The following DYRK1A variants were observed in gnomAD, a reference collection of about 807,000 sequenced individuals.
DYRK1A encodes the protein dual specificity tyrosine-phosphorylation-regulated kinase 1A.
In DYRK1A, 9 loss-of-function variants were observed where a neutral mutation model predicts 79.7. The observed-to-expected ratio is 0.11, with a 90% CI of 0.07 to 0.20. The LOEUF is 0.20. Ranked by LOEUF, DYRK1A falls within the 10% of genes least tolerant of loss-of-function variation. The probability of loss-of-function intolerance (pLI) is 1.00; values close to 1 mark genes in which losing one functional copy is unlikely to be tolerated. For missense variants in DYRK1A, 622 were observed against 956.0 expected (o/e 0.65, Z 4.61); for synonymous variants, 349 against 329.7 (o/e 1.06, Z -0.63).
intron 2 of DYRK1A, among the ~76,000 whole-genome samples, chr21:37,454,440 A>G (rs2051567525): frequency 6.6e-6 from 1 of 152,154 alleles, no homozygotes; most frequent in Non-Finnish European, 1.5e-5. Context: ...ACACATAGAC[A>G]TGGAGCAACC....
chr21:37,444,518 G>T (rs1189888615), intron 2 of DYRK1A, among the ~76,000 whole-genome samples: 1 of 152,138 alleles, frequency 6.6e-6, no homozygotes, highest in Non-Finnish European at 1.5e-5. Flanking sequence ...ATTTGCCTCT[G>T]TCCCCATGGA....
intron 9 of DYRK1A, among the ~76,000 whole-genome samples, chr21:37,497,626 G>A (rs57740674): frequency 0.053 from 8,005 of 152,170 alleles, 747 homozygotes; most frequent in African/African-American, 0.18. Flanking sequence ...CTCCATTTCA[G>A]ATTGATTTAT....
At chr21:37,388,122 T>TTTAAA (rs1569284870) in intron 1 of DYRK1A, among the ~76,000 whole-genome samples, 1 of 147,914 alleles carries the variant, frequency 6.8e-6, no homozygotes, top group Non-Finnish European at 1.5e-5. Context: ...TTTTTTTTTT[T>TTTAAA]ACTCTTGCCC....
At chr21:37,371,188 T>C (rs2049422042) in intron 1 of DYRK1A, among the ~76,000 whole-genome samples, 1 of 152,210 alleles carries the variant, frequency 6.6e-6, no homozygotes. Context: ...AATTTTAAGC[T>C]AGAGTTGTAA....
intron 1 of DYRK1A, among the ~76,000 whole-genome samples, chr21:37,381,121 C>G (rs1209592374): frequency 1.3e-5 from 2 of 152,142 alleles, no homozygotes; most frequent in East Asian, 3.8e-4. Context: ...GGGTGCTTGG[C>G]ACATAGTAAA....
chr21:37,432,006 C>T (rs946177950), intron 2 of DYRK1A, among the ~76,000 whole-genome samples: 1 of 151,956 alleles, frequency 6.6e-6, no homozygotes, highest in South Asian at 2.1e-4. Flanking sequence ...GTTTTTAAAC[C>T]CTAAAGTTAA....
chr21:37,391,449 A>G (rs748698723), intron 1 of DYRK1A, among the ~76,000 whole-genome samples: 8 of 152,202 alleles, frequency 5.3e-5, no homozygotes, highest in Non-Finnish European at 1.2e-4. Context: ...TTATTTTTTA[A>G]CTACTGATTT....
intron 1 of DYRK1A, among the ~76,000 whole-genome samples, chr21:37,374,049 CTT>C (rs1433513390): frequency 1.3e-5 from 2 of 152,184 alleles, no homozygotes; most frequent in South Asian, 2.1e-4. Context: ...TGTAGCTATA[CTT>C]TTAGTAGTGA....
intron 1 of DYRK1A, among the ~76,000 whole-genome samples, chr21:37,398,343 T>C (rs990968651): frequency 7.0e-6 from 1 of 142,200 alleles, no homozygotes; most frequent in African/African-American, 2.6e-5. Context: ...TCCTGTCTCT[T>C]AAAAAAAAAA....
intron 1 of DYRK1A, among the ~76,000 whole-genome samples, chr21:37,398,379 A>G (rs935587070): frequency 4.6e-5 from 7 of 151,150 alleles, no homozygotes; most frequent in Admixed American, 2.6e-4. Context: ...AAAAATTTTT[A>G]GGTGGTATTA....
chr21:37,452,939 C>T (rs185514048), intron 2 of DYRK1A, among the ~76,000 whole-genome samples: 1 of 152,080 alleles, frequency 6.6e-6, no homozygotes, highest in African/African-American at 2.4e-5. Flanking sequence ...TTCTAGGAGC[C>T]ACATTTTTAA....
chr21:37,371,703 AAT>A, intron 1 of DYRK1A, among the ~76,000 whole-genome samples: 1 of 152,264 alleles, frequency 6.6e-6, no homozygotes, highest in East Asian at 1.9e-4. Flanking sequence ...CATAGTGAGT[AAT>A]AGCTTAAAAT....
chr21:37,506,973 A>G (rs1005950908), intron 11 of DYRK1A, among the ~76,000 whole-genome samples: 2 of 152,122 alleles, frequency 1.3e-5, no homozygotes, highest in Non-Finnish European at 2.9e-5. Flanking sequence ...ATACTCACCA[A>G]CCTCTGCTGG....
intron 1 of DYRK1A, among the ~76,000 whole-genome samples, chr21:37,373,618 G>T (rs2049477560): frequency 6.6e-6 from 1 of 152,174 alleles, no homozygotes; most frequent in African/African-American, 2.4e-5. Flanking sequence ...CATAGTACAA[G>T]GCAGTTTCTC....
chr21:37,404,827 C>T (rs550264522), intron 1 of DYRK1A, among the ~76,000 whole-genome samples: 4 of 152,144 alleles, frequency 2.6e-5, no homozygotes, highest in Non-Finnish European at 5.9e-5. Flanking sequence ...GTTTAATAGC[C>T]GTTAGGCATA....
chr21:37,474,069 T>C lies in DYRK1A; in HGVS notation c.207+1189T>C, dbSNP rs118115680. Reference sequence around the variant, plus strand: ...GGCAGAGTGCTGTTTTTAATGTGTTTCACAGCTGAAAGGACTGCGCTCCCA... The same window carrying C: ...GGCAGAGTGCTGTTTTTAATGTGTTCCACAGCTGAAAGGACTGCGCTCCCA... On this transcript the variant is annotated intron_variant, in intron 3 of 11. Transcript: ENST00000647188. Among the ~76,000 whole-genome samples the C allele has an allele frequency of 5.3e-5, 8 of 152,314 alleles. No homozygotes were observed. The East Asian group carries it at 1.5e-3, about 29-fold the overall frequency.
At chr21:37,407,689 CTT>C (rs2050173360) in intron 1 of DYRK1A, among the ~76,000 whole-genome samples, 2 of 152,286 alleles carry the variant, frequency 1.3e-5, no homozygotes, top group Middle Eastern at 3.4e-3. Context: ...TAATTCATCT[CTT>C]AGATATCATG....
rs1349616713 is a variant in DYRK1A, at chr21:37,512,575, G to A, written c.*44G>A. 10 of 1,584,020 alleles carry A rather than the reference G, an allele frequency of 6.3e-6. No homozygotes were observed. The highest frequency in any genetic ancestry group is 7.7e-6 in the Non-Finnish European group (9 of 1,163,540). ...TTGTTTCTTGTGTGTTTTTATAGAA[G>A]TGGTGTTTTTTTTCCAAAAACAAAG... On this transcript the variant is annotated 3_prime_UTR_variant, in exon 12 of 12. Transcript: ENST00000647188.
intron 11 of DYRK1A, among the ~76,000 whole-genome samples, chr21:37,509,925 A>G (rs1376864214): frequency 6.6e-6 from 1 of 152,228 alleles, no homozygotes; most frequent in Non-Finnish European, 1.5e-5. Context: ...GAGTAGCACG[A>G]TGAAATCTCA....
Sources: gnomAD v4.1 joint callset for allele counts (sites outside exome capture counted in the v4.1 genomes callset) on GRCh38, gnomAD v4.1.1 for gene constraint, MANE v1.5 for transcripts, NCBI Gene and HGNC (gene_info 2026-07-23, HGNC 2026-07-21) for gene names.